The following TXNDC16 variants were observed in gnomAD, a reference collection of about 807,000 sequenced individuals.
The protein encoded by TXNDC16 is thioredoxin domain containing 16.
Under a neutral mutation model 85.6 loss-of-function variants are expected in TXNDC16, and 74 were observed. That is an observed-to-expected ratio of 0.86 (90% confidence interval 0.72 to 1.05). The LOEUF is 1.05. TXNDC16 is among the 50% of genes least tolerant of loss of function. The pLI, the probability that TXNDC16 is intolerant of heterozygous loss-of-function variation, is 0.00. For synonymous variants in TXNDC16, 335 were observed against 326.5 expected, an observed-to-expected ratio of 1.03 and a Z score of -0.28; for missense variants, 959 against 947.0, an observed-to-expected ratio of 1.01 and a Z score of -0.17.
intron 6 of TXNDC16, among the ~76,000 whole-genome samples, chr14:52,530,768 A>G (rs900737147): frequency 6.8e-6 from 1 of 147,732 alleles, no homozygotes; most frequent in African/African-American, 2.5e-5. Flanking sequence ...TCTGTGTATT[A>G]GAAGATAACA....
chr14:52,483,095 T>C (rs1001917559), intron 12 of TXNDC16, 130 bp from the exon 13 acceptor site: 1 of 697,642 alleles, frequency 1.4e-6, no homozygotes, highest in Non-Finnish European at 2.1e-6. Flanking sequence ...TCTTAATAGT[T>C]AGGATGCATG....
chr14:52,500,701 T>C (rs1190036037), intron 9 of TXNDC16, among the ~76,000 whole-genome samples: 1 of 152,186 alleles, frequency 6.6e-6, no homozygotes, highest in Non-Finnish European at 1.5e-5. Flanking sequence ...TCTCTAGAAA[T>C]AGGAGCTAAA....
intron 16 of TXNDC16, among the ~76,000 whole-genome samples, chr14:52,465,428 T>C (rs2035749268): frequency 6.6e-6 from 1 of 151,826 alleles, no homozygotes; most frequent in African/African-American, 2.4e-5. Context: ...CCGTCTCTAC[T>C]AAAAATACAA....
chr14:52,466,531 G>A (rs917907184), intron 16 of TXNDC16, among the ~76,000 whole-genome samples: 1 of 151,594 alleles, frequency 6.6e-6, no homozygotes, highest in Non-Finnish European at 1.5e-5. Flanking sequence ...TCTAGTCCTG[G>A]AGAAAATACA....
At chr14:52,530,349 T>A (rs866589620) in intron 6 of TXNDC16, among the ~76,000 whole-genome samples, 2,998 of 31,598 alleles carry the variant, frequency 0.095, 237 homozygotes, top group East Asian at 0.36. Flanking sequence ...AATTATATAT[T>A]ATAATATAAT....
intron 1 of TXNDC16, among the ~76,000 whole-genome samples, chr14:52,550,678 A>C (rs200671655): frequency 2.0e-5 from 3 of 151,964 alleles, no homozygotes; most frequent in African/African-American, 7.3e-5. Context: ...AAAAAGAAAA[A>C]CCTTTTAAAG....
chr14:52,434,295 AC>A (rs2034977388), intron 20 of TXNDC16, among the ~76,000 whole-genome samples: 1 of 152,250 alleles, frequency 6.6e-6, no homozygotes, highest in South Asian at 2.1e-4. Flanking sequence ...TGAGACTATG[AC>A]AAAATGCCTG....
intron 8 of TXNDC16, among the ~76,000 whole-genome samples, chr14:52,512,875 C>T (rs2036990087): frequency 1.3e-5 from 2 of 152,132 alleles, no homozygotes; most frequent in African/African-American, 4.8e-5. Flanking sequence ...GCAAAACATT[C>T]CTGTGAGCAA....
At chr14:52,505,885 G>T (rs2036786454) in intron 9 of TXNDC16, among the ~76,000 whole-genome samples, 1 of 152,100 alleles carries the variant, frequency 6.6e-6, no homozygotes, top group African/African-American at 2.4e-5. Flanking sequence ...AAATGATAAA[G>T]GGGATATCAC....
At chr14:52,545,364 C>T (rs1444227763) in intron 1 of TXNDC16, among the ~76,000 whole-genome samples, 1 of 152,120 alleles carries the variant, frequency 6.6e-6, no homozygotes, top group Non-Finnish European at 1.5e-5. Context: ...CGGTTAGAGA[C>T]ATTGGTGATT....
At chr14:52,537,536 A>C (rs979450880) in intron 5 of TXNDC16, 63 bp downstream of exon 5, 2 of 1,168,828 alleles carry the variant, frequency 1.7e-6, no homozygotes, top group African/African-American at 3.0e-5. Flanking sequence ...GATATTTTAC[A>C]TATTTGAATA....
At chr14:52,502,193 T>G (rs1367289900) in intron 9 of TXNDC16, among the ~76,000 whole-genome samples, 3 of 152,250 alleles carry the variant, frequency 2.0e-5, no homozygotes, top group Non-Finnish European at 4.4e-5. Context: ...CCTATTTCAG[T>G]GTCTACCGGG....
chr14:52,491,020 A>AG lies in TXNDC16; in HGVS notation c.757-16_757-15insC. On this transcript the variant is annotated splice_polypyrimidine_tract_variant and intron_variant, in intron 9 of 20. Transcript: ENST00000281741. ...GCAACTTCAGTCTTCATTGAAAAAA[A>AG]AAAAAAAAAAAGGTGTGATAACAAT... is the stretch of plus-strand genomic sequence containing the variant. 1 of 1,565,214 alleles carries AG rather than the reference A, an allele frequency of 6.4e-7. No individual in the cohort carries two copies. The highest frequency in any genetic ancestry group is 1.2e-5 in the South Asian group (1 of 82,750).
rs367726139 is a variant in TXNDC16, at chr14:52,493,893, T to G, written c.757-2888A>C. Among the ~76,000 whole-genome samples the G allele has an allele frequency of 3.6e-4, 55 of 152,060 alleles. 1 individual carries two copies. The South Asian group carries it at 9.6e-3, about 26-fold the overall frequency. On this transcript the variant is annotated intron_variant, in intron 9 of 20. Coordinates refer to ENST00000281741, the MANE Select transcript of TXNDC16 (RefSeq NM_020784.3). ...TCCCAGCCTCAAGCAATCCTCCCACTTCAACCTCCACCAAATAGCTGGGAC... is the reference window on the plus strand; with the variant it reads ...TCCCAGCCTCAAGCAATCCTCCCACGTCAACCTCCACCAAATAGCTGGGAC...
intron 6 of TXNDC16, among the ~76,000 whole-genome samples, chr14:52,528,874 T>A (rs889519440): frequency 8.5e-6 from 1 of 117,492 alleles, no homozygotes; most frequent in Non-Finnish European, 2.1e-5. Context: ...TAATACCTAT[T>A]ATATATATTA....
chr14:52,552,267 G>A (rs894002135), intron 1 of TXNDC16, 49 bp downstream of exon 1: 2 of 152,402 alleles, frequency 1.3e-5, no homozygotes, highest in African/African-American at 2.4e-5. Context: ...CTGAATCCCC[G>A]GGTCTGCAGG....
intron 11 of TXNDC16, among the ~76,000 whole-genome samples, chr14:52,490,130 A>G (rs2036366245): frequency 6.6e-6 from 1 of 152,132 alleles, no homozygotes. Context: ...GCCCAGCCCA[A>G]TATTATTTTA....
intron 12 of TXNDC16, among the ~76,000 whole-genome samples, chr14:52,483,780 T>C (rs1179232046): frequency 6.6e-6 from 1 of 152,172 alleles, no homozygotes; most frequent in Non-Finnish European, 1.5e-5. Context: ...CATCCAACCA[T>C]CCATGTACCT....
chr14:52,432,366 A>G lies in TXNDC16; in HGVS notation c.2416T>C (p.Phe806Leu), dbSNP rs766381455. Residue 806 changes from phenylalanine to leucine, a missense_variant, in exon 21 of 21, where the codon TTT becomes CTT. By Grantham distance (22) the Phe-to-Leu change is conservative (BLOSUM62 0). Coordinates refer to ENST00000281741, the MANE Select transcript of TXNDC16 (RefSeq NM_020784.3). The part of the protein sequence containing the change: ...RIKHWNRSNW[F>L]KEAEKSFRRD... ...CTAAATGATTTTTCTGCTTCTTTAAACCAATTACTTCTATTCCAATGCTTT... is the reference window on the plus strand; with the variant it reads ...CTAAATGATTTTTCTGCTTCTTTAAGCCAATTACTTCTATTCCAATGCTTT... The G allele has an allele frequency of 3.1e-6, 5 of 1,613,794 alleles. No homozygotes were observed. The highest frequency in any genetic ancestry group is 4.2e-6 in the Non-Finnish European group (5 of 1,179,908).
Sources: allele counts gnomAD v4.1 joint callset (sites outside exome capture counted in the v4.1 genomes callset), GRCh38; gene constraint gnomAD v4.1.1; transcripts MANE v1.5; gene names NCBI Gene and HGNC (gene_info 2026-07-23, HGNC 2026-07-21).